The following PPARGC1A variants were observed in gnomAD, a reference collection of about 807,000 sequenced individuals.
PPARGC1A encodes PPARG coactivator 1 alpha, also known as peroxisome proliferator-activated receptor gamma coactivator 1-alpha.
A neutral mutation model predicts 88.7 loss-of-function variants in PPARGC1A; 25 were observed. That is an observed-to-expected ratio of 0.28 (90% CI 0.21 to 0.39). PPARGC1A has a LOEUF of 0.39. Ranked by LOEUF, PPARGC1A falls within the 10% of genes least tolerant of loss-of-function variation. The pLI is 1.00. For missense variants in PPARGC1A, 880 were observed against 968.7 expected, an observed-to-expected ratio of 0.91 and a Z score of 1.22; for synonymous variants, 363 against 355.6, an observed-to-expected ratio of 1.02 and a Z score of -0.24.
the PPARGC1A span, among the ~76,000 whole-genome samples, chr4:24,384,933 A>G: frequency 6.6e-6 from 1 of 152,176 alleles, no homozygotes; most frequent in Non-Finnish European, 1.5e-5. Context: ...AAATCAACAG[A>G]ATATACATTC....
chr4:23,960,500 C>T, the PPARGC1A span, among the ~76,000 whole-genome samples: 1 of 152,124 alleles, frequency 6.6e-6, no homozygotes. Context: ...TCTTTGGCTC[C>T]TATTTTGAAA....
chr4:24,182,335 T>C, the PPARGC1A span, among the ~76,000 whole-genome samples: 1 of 152,232 alleles, frequency 6.6e-6, no homozygotes, highest in Non-Finnish European at 1.5e-5. Context: ...CTCATTCTTT[T>C]TTTATGGCTG....
the PPARGC1A span, among the ~76,000 whole-genome samples, chr4:24,389,733 A>C: frequency 6.6e-6 from 1 of 152,192 alleles, no homozygotes; most frequent in Non-Finnish European, 1.5e-5. Context: ...ATTTGCATGC[A>C]TTAACTTTTC....
chr4:24,056,072 C>CT, the PPARGC1A span, among the ~76,000 whole-genome samples: 1 of 152,116 alleles, frequency 6.6e-6, no homozygotes, highest in Non-Finnish European at 1.5e-5. Flanking sequence ...GATGAGAAAA[C>CT]TGAGTTTCAA....
chr4:23,846,180 C>T (rs1385902415), intron 2 of PPARGC1A, among the ~76,000 whole-genome samples: 1 of 152,168 alleles, frequency 6.6e-6, no homozygotes, highest in East Asian at 1.9e-4. Context: ...AAAGGAAAAA[C>T]ATGCCATTTA....
At chr4:24,120,756 C>G in the PPARGC1A span, among the ~76,000 whole-genome samples, 1 of 152,072 alleles carries the variant, frequency 6.6e-6, no homozygotes, top group African/African-American at 2.4e-5. Context: ...CTTCCCCTTT[C>G]CACCACGTGA....
chr4:23,970,483 G>T, the PPARGC1A span, among the ~76,000 whole-genome samples: 2 of 152,246 alleles, frequency 1.3e-5, no homozygotes, highest in East Asian at 3.9e-4. Context: ...TTCAAATCAT[G>T]ATTTATATGC....
At chr4:23,891,560 T>C (rs1717848230), upstream of PPARGC1A, among the ~76,000 whole-genome samples, 1 of 152,232 alleles carries the variant, frequency 6.6e-6, no homozygotes, top group Non-Finnish European at 1.5e-5. Context: ...AGCAGACTGC[T>C]GCTTCTTTCA....
the PPARGC1A span, among the ~76,000 whole-genome samples, chr4:24,141,737 AT>A: frequency 6.6e-6 from 1 of 152,164 alleles, no homozygotes; most frequent in Non-Finnish European, 1.5e-5. Context: ...TGGAGGCAAA[AT>A]CTGTTGCTGC....
the PPARGC1A span, among the ~76,000 whole-genome samples, chr4:24,215,588 T>A: frequency 2.6e-5 from 4 of 152,298 alleles, no homozygotes; most frequent in Non-Finnish European, 5.9e-5. Context: ...AACTTTGAAA[T>A]ACTTATTACG....
chr4:24,001,797 G>A, the PPARGC1A span, among the ~76,000 whole-genome samples: 1 of 152,072 alleles, frequency 6.6e-6, no homozygotes, highest in South Asian at 2.1e-4. Context: ...GACAACACAA[G>A]GAAAGCTGTT....
the PPARGC1A span, among the ~76,000 whole-genome samples, chr4:24,443,270 T>A: frequency 0.014 from 1,598 of 116,286 alleles, 25 homozygotes; most frequent in Admixed American, 0.034. Context: ...TTTTTTTTTT[T>A]AAATAATATA....
chr4:24,058,134 G>A, the PPARGC1A span, among the ~76,000 whole-genome samples: 2 of 152,138 alleles, frequency 1.3e-5, no homozygotes, highest in East Asian at 1.9e-4. Context: ...GAGAAGCCCC[G>A]CCCCAGAGGG....
At chr4:23,858,066 G>A (rs567447147) in intron 2 of PPARGC1A, among the ~76,000 whole-genome samples, 1 of 152,050 alleles carries the variant, frequency 6.6e-6, no homozygotes, top group African/African-American at 2.4e-5. Context: ...GAATGAAATG[G>A]TTCTTGGAAA....
chr4:24,216,146 T>C, the PPARGC1A span, among the ~76,000 whole-genome samples: 1 of 14,768 alleles, frequency 6.8e-5, no homozygotes, highest in Non-Finnish European at 3.7e-4. Context: ...CTAACTCTTT[T>C]TTTTTTTTTT....
the PPARGC1A span, among the ~76,000 whole-genome samples, chr4:24,134,697 T>A: frequency 6.6e-6 from 1 of 152,232 alleles, no homozygotes; most frequent in Non-Finnish European, 1.5e-5. Context: ...TCATTCTACA[T>A]AATATTTTTC....
At chr4:24,379,976 C>T in the PPARGC1A span, among the ~76,000 whole-genome samples, 1 of 152,052 alleles carries the variant, frequency 6.6e-6, no homozygotes, top group Admixed American at 6.5e-5. Flanking sequence ...CAGGGTTTCA[C>T]CATGTTGGCC....
chr4:24,299,074 G>T, the PPARGC1A span, among the ~76,000 whole-genome samples: 5 of 152,004 alleles, frequency 3.3e-5, no homozygotes, highest in Admixed American at 6.6e-5. Flanking sequence ...ACCAAGAAGG[G>T]GATAAAATAT....
upstream of PPARGC1A, among the ~76,000 whole-genome samples, chr4:23,894,908 A>G (rs1317793571): frequency 6.6e-6 from 1 of 152,124 alleles, no homozygotes. Context: ...AGGTTAATTT[A>G]TCTATAATGC....
Sources: allele counts gnomAD v4.1 joint callset (sites outside exome capture counted in the v4.1 genomes callset), GRCh38; gene constraint gnomAD v4.1.1; transcripts MANE v1.5; gene names NCBI Gene and HGNC (gene_info 2026-07-23, HGNC 2026-07-21).